SEC14L2: variants seen among roughly 807,000 people sequenced by gnomAD.
The protein encoded by SEC14L2 is SEC14 like lipid binding 2.
Under a neutral mutation model 56.9 loss-of-function variants are expected in SEC14L2, and 50 were observed. The observed-to-expected ratio is 0.88, with a 90% CI of 0.70 to 1.11. SEC14L2 has a LOEUF of 1.11. SEC14L2 is among the 50% of genes most tolerant of loss of function. The probability of loss-of-function intolerance (pLI) is 0.00; values close to 1 mark genes in which losing one functional copy is unlikely to be tolerated. For synonymous variants in SEC14L2, 179 were observed against 188.5 expected (o/e 0.95, Z 0.41); for missense variants, 414 against 500.7 (o/e 0.83, Z 1.65).
At chr22:30,404,954 C>G (rs1292111348) in intron 2 of SEC14L2, among the ~76,000 whole-genome samples, 1 of 152,000 alleles carries the variant, frequency 6.6e-6, no homozygotes, top group African/African-American at 2.4e-5. Flanking sequence ...CCTGTAATCC[C>G]AGCTACTCAG....
rs1434191917 is a variant in SEC14L2 at position 30,407,090 on chromosome 22, T to C, written c.175-5T>C. On this transcript the variant is annotated splice_region_variant and splice_polypyrimidine_tract_variant and intron_variant, in intron 3 of 11. Transcript: ENST00000615189. ...TTTAAAAATTTCCCCATTGTATCTT[T>C]GTAGCATGTGGAGTTCCGAAAGCAA... The C allele has an allele frequency of 6.2e-7, 1 of 1,613,694 alleles. No individual in the cohort carries two copies. Among genetic ancestry groups the C allele is most frequent in the Admixed American group, 1.7e-5 (1 of 60,018 alleles).
At position 30,402,917 on chromosome 22, in the gene SEC14L2, TA is replaced by T. The variant is rs879265249; in HGVS notation, c.130+3212del. 7.2e-3 allele frequency among the ~76,000 whole-genome samples: 1,037 copies of T among 143,222 alleles called. 6 individuals carry two copies. Among genetic ancestry groups the T allele is most frequent in the African/African-American group, 0.022 (853 of 39,318 alleles). The allele number at this position is 143,222 out of a possible 152,430, so 94.0% of individuals were successfully genotyped here. On this transcript the variant is annotated intron_variant, in intron 2 of 11. Coordinates refer to ENST00000615189, the MANE Select transcript of SEC14L2 (RefSeq NM_012429.5). ...AATATAGCAAGACCCTGCCTCTACT[TA>T]AAAAAAAAAAAATTAGCTGGGTGTG...
At chr22:30,414,455 G>T (rs1036421538) in intron 8 of SEC14L2, among the ~76,000 whole-genome samples, 6 of 152,092 alleles carry the variant, frequency 3.9e-5, no homozygotes, top group Non-Finnish European at 7.4e-5. Flanking sequence ...GAGCTTAGCA[G>T]TGCAGATTAA....
chr22:30,400,931 AC>A (rs1457876622), intron 2 of SEC14L2, among the ~76,000 whole-genome samples: 2 of 128,082 alleles, frequency 1.6e-5, no homozygotes, highest in African/African-American at 3.0e-5. Context: ...AAAGAAGGTT[AC>A]CTTTTTTTTT....
intron 2 of SEC14L2, among the ~76,000 whole-genome samples, chr22:30,402,952 C>T (rs1933981651): frequency 6.6e-6 from 1 of 151,914 alleles, no homozygotes; most frequent in Non-Finnish European, 1.5e-5. Context: ...TGGTGGCGTG[C>T]ACCTGTAGTC....
At chr22:30,401,191 AT>A (rs2146006882) in intron 2 of SEC14L2, among the ~76,000 whole-genome samples, 1 of 88,678 alleles carries the variant, frequency 1.1e-5, no homozygotes, top group African/African-American at 3.8e-5. Context: ...CAAGTGATTT[AT>A]TTATTTATTT....
At chr22:30,416,871 G>A (rs989259039) in intron 11 of SEC14L2, 1 of 1,035,696 alleles carries the variant, frequency 9.7e-7, no homozygotes, top group African/African-American at 1.7e-5. Context: ...CAGACTATGA[G>A]CAGGCAGTTT....
At position 30,422,519 on chromosome 22, in the gene SEC14L2, C is replaced by A; in HGVS notation, c.*112C>A. On this transcript the variant is annotated 3_prime_UTR_variant, in exon 12 of 12. Transcript: ENST00000615189. Reference sequence around the variant, plus strand: ...AGCCCAAAGAAACTGGGCTGGAGGACAGACCTCAGGAGCTTTCATTTCAGT... The same window carrying A: ...AGCCCAAAGAAACTGGGCTGGAGGAAAGACCTCAGGAGCTTTCATTTCAGT... The A allele has an allele frequency of 7.3e-7, 1 of 1,371,026 alleles. No homozygotes were observed. Among genetic ancestry groups the A allele is most frequent in the Non-Finnish European group, 1.0e-6 (1 of 1,001,596 alleles). 84.9% of individuals were successfully genotyped at this position (1,371,026 alleles called of 1,614,324 possible). A position where few individuals can be genotyped will look rare whatever the true frequency, so the allele number is the denominator to read the frequency against.
chr22:30,410,565 C>A (rs1934220360), intron 7 of SEC14L2, 31 bp from the exon 8 acceptor site: 3 of 1,604,930 alleles, frequency 1.9e-6, no homozygotes, highest in South Asian at 1.1e-5. Context: ...GGCACTGCTC[C>A]CAGCCTCACA....
chr22:30,407,587 CCCACCAGA>C lies in SEC14L2; in HGVS notation c.412_419del (p.Gln138LysfsTer14). On this transcript the variant is annotated frameshift_variant, in exon 5 of 12. Coordinates refer to ENST00000615189, the MANE Select transcript of SEC14L2 (RefSeq NM_012429.5). LOFTEE classifies it high-confidence loss of function. ...TGTGAGCTGCTTCTGCAAGAGTGTG[CCCACCAGA>C]CCACAAAGGTGAGTGGACCACCATG... The C allele has an allele frequency of 6.2e-7, 1 of 1,613,730 alleles. No individual in the cohort carries two copies. Among genetic ancestry groups the C allele is most frequent in the Non-Finnish European group, 8.5e-7 (1 of 1,179,812 alleles).
chr22:30,405,074 A>AG (rs1479658074), intron 2 of SEC14L2, among the ~76,000 whole-genome samples: 1 of 151,982 alleles, frequency 6.6e-6, no homozygotes, highest in African/African-American at 2.4e-5. Flanking sequence ...GTCTCAAAAA[A>AG]AAAAAGAAAA....
chr22:30,415,676 C>G, intron 8 of SEC14L2, 83 bp from the exon 9 acceptor site: 1 of 1,244,230 alleles, frequency 8.0e-7, no homozygotes, highest in Non-Finnish European at 1.2e-6. Context: ...TTTTCTGCCT[C>G]TTTAGTGTAG....
At chr22:30,410,545 G>A in intron 7 of SEC14L2, 51 bp from the exon 8 acceptor site, 1 of 1,543,310 alleles carries the variant, frequency 6.5e-7, no homozygotes, top group Non-Finnish European at 9.0e-7. Context: ...ACGCTGTTAG[G>A]GACAGACTGG....
At chr22:30,399,578 A>G in intron 1 of SEC14L2, 65 bp from the exon 2 acceptor site, 2 of 991,474 alleles carry the variant, frequency 2.0e-6, no homozygotes, top group South Asian at 1.7e-5. Context: ...CTCAGTGGAG[A>G]GTCCTAGGCA....
intron 1 of SEC14L2, 24 bp downstream of exon 1, chr22:30,397,194 C>T (rs1181242546): frequency 1.3e-6 from 2 of 1,506,186 alleles, no homozygotes; most frequent in South Asian, 2.5e-5. Context: ...CTGGCCCGGG[C>T]TCCCGCCTCG....
chr22:30,402,263 G>C (rs1455722861), intron 2 of SEC14L2, among the ~76,000 whole-genome samples: 1 of 152,166 alleles, frequency 6.6e-6, no homozygotes, highest in Non-Finnish European at 1.5e-5. Flanking sequence ...CCTTCTTAAA[G>C]GGCCAGTTGC....
At chr22:30,397,526 A>G (rs2145998284) in intron 1 of SEC14L2, 1 of 332,436 alleles carries the variant, frequency 3.0e-6, no homozygotes, top group South Asian at 4.2e-5. Flanking sequence ...CAGGGGCCCA[A>G]GTTTCCTCCC....
At chr22:30,420,479 C>T (rs1391331179) in intron 11 of SEC14L2, 1 of 152,216 alleles carries the variant, frequency 6.6e-6, no homozygotes, top group Non-Finnish European at 1.5e-5. Context: ...GGGCCATTAT[C>T]GACCTAGTAC....
chr22:30,414,905 G>T (rs1934346670), intron 8 of SEC14L2, among the ~76,000 whole-genome samples: 1 of 152,138 alleles, frequency 6.6e-6, no homozygotes, highest in Non-Finnish European at 1.5e-5. Context: ...ATTAAGTCAC[G>T]ACTTAGCTGT....
Sources: gnomAD v4.1 joint callset for allele counts (sites outside exome capture counted in the v4.1 genomes callset) on GRCh38, gnomAD v4.1.1 for gene constraint, MANE v1.5 for transcripts, NCBI Gene and HGNC (gene_info 2026-07-23, HGNC 2026-07-21) for gene names.